The following ST7 variants were observed in gnomAD, a reference collection of about 807,000 sequenced individuals.
ST7 encodes suppression of tumorigenicity 7, also known as suppressor of tumorigenicity 7 protein.
In ST7, 28 loss-of-function variants were observed where a neutral mutation model predicts 78.7. The observed-to-expected ratio is 0.36, with a 90% CI of 0.26 to 0.49. The LOEUF (loss-of-function observed/expected upper bound fraction) is 0.49. Ranked by LOEUF, ST7 falls within the 20% of genes least tolerant of loss-of-function variation. The probability of loss-of-function intolerance (pLI) is 0.99; values close to 1 mark genes in which losing one functional copy is unlikely to be tolerated. For missense variants in ST7, 418 were observed against 696.0 expected, an observed-to-expected ratio of 0.60 and a Z score of 4.49; for synonymous variants, 247 against 249.6, an observed-to-expected ratio of 0.99 and a Z score of 0.10.
chr7:117,123,723 A>T (rs1803595227), intron 3 of ST7, among the ~76,000 whole-genome samples: 1 of 152,168 alleles, frequency 6.6e-6, no homozygotes, highest in Non-Finnish European at 1.5e-5. Flanking sequence ...TAACATTCTG[A>T]ATTTGAGTTT....
At chr7:117,145,958 TAGTC>T (rs1167005524) in intron 9 of ST7, among the ~76,000 whole-genome samples, 1 of 152,142 alleles carries the variant, frequency 6.6e-6, no homozygotes, top group African/African-American at 2.4e-5. Context: ...TTTAAAAAAA[TAGTC>T]AGAGGGAGCT....
chr7:117,193,232 T>A (rs1256689981), intron 12 of ST7, among the ~76,000 whole-genome samples: 1 of 152,014 alleles, frequency 6.6e-6, no homozygotes, highest in East Asian at 1.9e-4. Flanking sequence ...GAGACATCGG[T>A]GAAGGTTACA....
At chr7:117,008,497 T>A (rs907174564) in intron 1 of ST7, among the ~76,000 whole-genome samples, 1 of 152,226 alleles carries the variant, frequency 6.6e-6, no homozygotes, top group Non-Finnish European at 1.5e-5. Flanking sequence ...GATTTCCATT[T>A]TTATATAATC....
At chr7:117,032,992 A>G (rs1288709739) in intron 1 of ST7, among the ~76,000 whole-genome samples, 1 of 152,180 alleles carries the variant, frequency 6.6e-6, no homozygotes, top group African/African-American at 2.4e-5. Flanking sequence ...GTCTAGTTTT[A>G]CTATGTTGCT....
At chr7:117,041,072 C>T (rs911850898) in intron 1 of ST7, among the ~76,000 whole-genome samples, 2 of 152,064 alleles carry the variant, frequency 1.3e-5, no homozygotes, top group African/African-American at 4.8e-5. Context: ...TGGGGAACAG[C>T]GCTTCAGGGC....
intron 1 of ST7, among the ~76,000 whole-genome samples, chr7:116,990,856 A>T (rs906586778): frequency 1.3e-5 from 2 of 152,252 alleles, no homozygotes; most frequent in African/African-American, 4.8e-5. Flanking sequence ...GAAAATTTAA[A>T]AAGTAGACTT....
At chr7:117,103,525 GC>G (rs1801722766) in intron 2 of ST7, among the ~76,000 whole-genome samples, 1 of 152,180 alleles carries the variant, frequency 6.6e-6, no homozygotes, top group South Asian at 2.1e-4. Context: ...CAATAAATGT[GC>G]TGGAAAAACT....
intron 1 of ST7, among the ~76,000 whole-genome samples, chr7:116,975,000 A>G (rs1168114662): frequency 3.3e-5 from 5 of 151,952 alleles, no homozygotes; most frequent in African/African-American, 1.2e-4. Context: ...TATTTTATGT[A>G]TTTTTTTCAT....
At chr7:116,985,425 T>G (rs1248482686) in intron 1 of ST7, among the ~76,000 whole-genome samples, 1 of 152,200 alleles carries the variant, frequency 6.6e-6, no homozygotes, top group African/African-American at 2.4e-5. Context: ...CAGAAAAGCT[T>G]AGCAGACATT....
intron 1 of ST7, chr7:116,972,782 G>A: frequency 1.1e-6 from 1 of 951,378 alleles, no homozygotes; most frequent in South Asian, 1.3e-5. Context: ...GCCTCAGCCT[G>A]TTCCTGGGAA....
At chr7:117,014,867 A>T in intron 1 of ST7, 1 of 594,874 alleles carries the variant, frequency 1.7e-6, no homozygotes, top group East Asian at 3.6e-5. Context: ...AGAGATAAGC[A>T]GAAGTGTGGG....
intron 12 of ST7, among the ~76,000 whole-genome samples, chr7:117,208,908 T>C (rs1296320179): frequency 7.3e-5 from 2 of 27,362 alleles, no homozygotes; most frequent in Non-Finnish European, 2.3e-4. Flanking sequence ...TGTGGGTGTG[T>C]GTGTGTGTGT....
chr7:116,995,364 A>G (rs1324704886), intron 1 of ST7, among the ~76,000 whole-genome samples: 1 of 152,202 alleles, frequency 6.6e-6, no homozygotes, highest in African/African-American at 2.4e-5. Flanking sequence ...AGTTTACCTG[A>G]AAGCTTTCTA....
chr7:117,215,065 G>A (rs1792588574), intron 13 of ST7, among the ~76,000 whole-genome samples: 1 of 152,008 alleles, frequency 6.6e-6, no homozygotes, highest in African/African-American at 2.4e-5. Context: ...GAGTATTAGA[G>A]TGGTGAGGGT....
chr7:117,093,695 C>T (rs765938488), intron 1 of ST7, among the ~76,000 whole-genome samples: 3 of 151,762 alleles, frequency 2.0e-5, no homozygotes, highest in Admixed American at 6.6e-5. Flanking sequence ...AGTGAGACTC[C>T]GTCTCAAAAA....
chr7:117,136,267 G>A (rs775748097), intron 8 of ST7, 32 bp downstream of exon 8: 18 of 1,613,034 alleles, frequency 1.1e-5, no homozygotes, highest in Non-Finnish European at 1.3e-5. Flanking sequence ...TGCATTGGGG[G>A]ATCAGAATTG....
chr7:117,120,319 C>T (rs1803265825), intron 3 of ST7, among the ~76,000 whole-genome samples: 1 of 151,912 alleles, frequency 6.6e-6, no homozygotes, highest in Non-Finnish European at 1.5e-5. Flanking sequence ...CATAGTTTCT[C>T]AGACCACAGT....
chr7:117,192,662 G>A (rs1005219087), intron 12 of ST7, among the ~76,000 whole-genome samples: 5 of 152,108 alleles, frequency 3.3e-5, no homozygotes, highest in African/African-American at 4.8e-5. Flanking sequence ...CCTAACTAGA[G>A]CCTTGCAATC....
At chr7:117,002,298 G>A (rs1018068133) in intron 1 of ST7, among the ~76,000 whole-genome samples, 53 of 152,130 alleles carry the variant, frequency 3.5e-4, no homozygotes, top group African/African-American at 1.3e-3. Context: ...TCTCTGTGCT[G>A]TCCAGGTTGG....
Sources: gnomAD v4.1 joint callset for allele counts (sites outside exome capture counted in the v4.1 genomes callset) on GRCh38, gnomAD v4.1.1 for gene constraint, MANE v1.5 for transcripts, NCBI Gene and HGNC (gene_info 2026-07-23, HGNC 2026-07-21) for gene names.